Variants in ATP13A4 observed in about 807,000 individuals in gnomAD.
The protein encoded by ATP13A4 is ATPase 13A4.
ATP13A4 carries 114 observed loss-of-function variants against 142.5 expected under a neutral mutation model. The observed-to-expected ratio is 0.80, with a 90% CI of 0.69 to 0.93. The LOEUF (loss-of-function observed/expected upper bound fraction) is 0.93, where lower values mean the gene tolerates loss of function less well. ATP13A4 is among the 40% of genes least tolerant of loss of function. The pLI, the probability that ATP13A4 is intolerant of heterozygous loss-of-function variation, is 0.00. For missense variants in ATP13A4, 1,392 were observed against 1,454.0 expected (o/e 0.96, Z 0.69); for synonymous variants, 488 against 514.8 (o/e 0.95, Z 0.70).
intron 1 of ATP13A4, among the ~76,000 whole-genome samples, chr3:193,590,396 T>G (rs939560497): frequency 2.6e-5 from 4 of 152,148 alleles, no homozygotes; most frequent in Non-Finnish European, 5.9e-5. Context: ...AAAGCAGTCT[T>G]AGATTCTATA....
At chr3:193,570,134 T>TAAAAC (rs1384945968) in intron 2 of ATP13A4, among the ~76,000 whole-genome samples, 1 of 151,888 alleles carries the variant, frequency 6.6e-6, no homozygotes, top group African/African-American at 2.4e-5. Context: ...ACCTTCTATC[T>TAAAAC]AAAACAAAAC....
intron 25 of ATP13A4, among the ~76,000 whole-genome samples, chr3:193,417,539 A>G (rs963629903): frequency 6.6e-6 from 1 of 152,188 alleles, no homozygotes. Context: ...CATCTCCATA[A>G]TTACATTTTA....
intron 1 of ATP13A4, among the ~76,000 whole-genome samples, chr3:193,590,009 C>A (rs1241315662): frequency 6.7e-6 from 1 of 149,870 alleles, no homozygotes; most frequent in African/African-American, 2.5e-5. Flanking sequence ...AAATGGCTGA[C>A]CCTCTCAGTC....
chr3:193,559,753 C>T (rs1052771382), upstream of ATP13A4, among the ~76,000 whole-genome samples: 2 of 152,140 alleles, frequency 1.3e-5, no homozygotes, highest in African/African-American at 4.8e-5. Flanking sequence ...CTTGGGGTGG[C>T]CTGTTGTTTC....
intron 18 of ATP13A4, among the ~76,000 whole-genome samples, chr3:193,445,236 G>A (rs1006834461): frequency 5.9e-5 from 9 of 151,606 alleles, no homozygotes; most frequent in Non-Finnish European, 8.8e-5. Context: ...AAGAGATCAA[G>A]ACAATCCTGG....
At chr3:193,591,957 G>C (rs1195286019) in intron 1 of ATP13A4, among the ~76,000 whole-genome samples, 1 of 152,080 alleles carries the variant, frequency 6.6e-6, no homozygotes, top group Non-Finnish European at 1.5e-5. Flanking sequence ...ACCTGCCATT[G>C]AAACAGTCAC....
intron 26 of ATP13A4, among the ~76,000 whole-genome samples, chr3:193,413,427 C>T (rs1192866773): frequency 1.3e-5 from 2 of 152,096 alleles, no homozygotes; most frequent in African/African-American, 4.8e-5. Flanking sequence ...TTTTAGGGAA[C>T]AAGGGAAGAC....
At chr3:193,525,581 C>A (rs1721954858) in intron 1 of ATP13A4, among the ~76,000 whole-genome samples, 1 of 152,114 alleles carries the variant, frequency 6.6e-6, no homozygotes, top group Non-Finnish European at 1.5e-5. Context: ...TCCTGGGTCC[C>A]ACACCTCCAA....
chr3:193,419,846 C>T (rs1358201698), intron 25 of ATP13A4, among the ~76,000 whole-genome samples: 3 of 150,146 alleles, frequency 2.0e-5, no homozygotes, highest in African/African-American at 7.4e-5. Context: ...CTGTCCCCCA[C>T]CCACTGCCCC....
At chr3:193,418,803 C>T (rs1312952150) in intron 25 of ATP13A4, 4 of 150,138 alleles carry the variant, frequency 2.7e-5, no homozygotes, top group Non-Finnish European at 5.9e-5. Flanking sequence ...CATCTTGGAA[C>T]ATAAACTACT....
intron 24 of ATP13A4, among the ~76,000 whole-genome samples, chr3:193,435,123 G>A (rs9877998): frequency 0.62 from 94,381 of 151,982 alleles, 31,162 homozygotes; most frequent in Non-Finnish European, 0.74. Flanking sequence ...TCTATATGGG[G>A]CAAGTATTAT....
intron 1 of ATP13A4, among the ~76,000 whole-genome samples, chr3:193,533,787 C>G (rs1219105926): frequency 1.3e-5 from 2 of 152,178 alleles, no homozygotes; most frequent in Admixed American, 1.3e-4. Context: ...CTTTCAACCT[C>G]CCTGCAAGGA....
At chr3:193,417,181 G>C (rs564061330) in intron 25 of ATP13A4, 133 of 152,310 alleles carry the variant, frequency 8.7e-4, no homozygotes, top group African/African-American at 3.0e-3. Context: ...AACAGAAGCT[G>C]AAAGAGTTTG....
intron 6 of ATP13A4, among the ~76,000 whole-genome samples, chr3:193,490,776 G>A (rs1337308361): frequency 1.3e-5 from 2 of 152,094 alleles, no homozygotes; most frequent in Non-Finnish European, 2.9e-5. Context: ...TTTAAGGCAA[G>A]GAGGAGTCGA....
chr3:193,420,714 T>C (rs1448216796), intron 25 of ATP13A4, among the ~76,000 whole-genome samples: 1 of 149,440 alleles, frequency 6.7e-6, no homozygotes, highest in East Asian at 2.1e-4. Flanking sequence ...ATAAATATCA[T>C]TTAAAAAGAA....
chr3:193,540,144 G>A (rs1722806445), intron 1 of ATP13A4, among the ~76,000 whole-genome samples: 1 of 152,086 alleles, frequency 6.6e-6, no homozygotes, highest in Admixed American at 6.5e-5. Flanking sequence ...ACAGCAGGGA[G>A]AAGGTACATG....
At position 193,539,839 on chromosome 3, in the gene ATP13A4, A is replaced by G. The variant is rs370429008; in HGVS notation, c.60+14901T>C. Among the ~76,000 whole-genome samples, 16 of 152,344 alleles carry G rather than the reference A, an allele frequency of 1.1e-4. No homozygotes were observed. In the East Asian group the frequency reaches 2.9e-3, roughly 28 times the overall value. ...ATACATATTAACTATTATTATTATT[A>G]GGCATATTTGCATATTCTTTTGCTA... On this transcript the variant is annotated intron_variant, in intron 1 of 29. Coordinates refer to ENST00000342695, the MANE Select transcript of ATP13A4 (RefSeq NM_032279.4).
intron 29 of ATP13A4, among the ~76,000 whole-genome samples, chr3:193,405,404 G>A (rs9878622): frequency 0.16 from 24,766 of 152,012 alleles, 2,296 homozygotes; most frequent in African/African-American, 0.25. Flanking sequence ...AAGTGTAATC[G>A]ATAAAGCATA....
intron 2 of ATP13A4, among the ~76,000 whole-genome samples, chr3:193,511,427 C>CCTTCCCT (rs1721134887): frequency 1.3e-5 from 2 of 152,202 alleles, no homozygotes; most frequent in Non-Finnish European, 2.9e-5. Flanking sequence ...TCACAGAAAA[C>CCTTCCCT]CTTCCCTCGT....
Sources: gnomAD v4.1 joint callset for allele counts (sites outside exome capture counted in the v4.1 genomes callset) on GRCh38, gnomAD v4.1.1 for gene constraint, MANE v1.5 for transcripts, NCBI Gene and HGNC (gene_info 2026-07-23, HGNC 2026-07-21) for gene names.